Variants in ATXN1 observed in about 807,000 individuals in gnomAD.
The protein encoded by ATXN1 is ataxin-1.
ATXN1 carries 8 observed loss-of-function variants against 56.4 expected under a neutral mutation model. The observed-to-expected ratio is 0.14, with a 90% CI of 0.08 to 0.26. ATXN1 has a LOEUF of 0.26. Among genes scored for constraint, ATXN1 ranks in the 10% least tolerant of loss-of-function variants. The pLI is 1.00. For missense variants in ATXN1, 987 were observed against 1,106.5 expected (o/e 0.89, Z 1.53); for synonymous variants, 514 against 494.6 (o/e 1.04, Z -0.52).
intron 6 of ATXN1, among the ~76,000 whole-genome samples, chr6:16,398,594 CGT>C (rs1313559604): frequency 2.6e-5 from 4 of 152,024 alleles, no homozygotes; most frequent in African/African-American, 9.7e-5. Context: ...TGCACAAATA[CGT>C]GTGTTTTGTG....
rs1760676098 is a variant in ATXN1, at chr6:16,492,054, C to T, written c.-298-5945G>A. On this transcript the variant is annotated intron_variant, in intron 5 of 7. Coordinates refer to ENST00000436367, the MANE Select transcript of ATXN1 (RefSeq NM_001128164.2). The stretch of plus-strand genomic sequence containing the variant: ...ATGAGCTCCAGATAATAAGGCAGCC[C>T]TGTTGACACCTCAATTTCAGTCTTA... Among the ~76,000 whole-genome samples, 4 of 152,144 alleles carry T rather than the reference C, an allele frequency of 2.6e-5. No individual in the cohort carries two copies. The South Asian group carries it at 8.3e-4, about 32-fold the overall frequency.
At chr6:16,373,441 C>T (rs1463416236) in intron 6 of ATXN1, among the ~76,000 whole-genome samples, 3 of 152,144 alleles carry the variant, frequency 2.0e-5, no homozygotes, top group East Asian at 3.9e-4. Flanking sequence ...GTCCCACACA[C>T]GTGTCTTGGT....
At chr6:16,395,234 C>T in intron 6 of ATXN1, among the ~76,000 whole-genome samples, 1 of 126,084 alleles carries the variant, frequency 7.9e-6, no homozygotes, top group South Asian at 2.6e-4. Flanking sequence ...TGCGCCATTG[C>T]ATTCCAGCCT....
chr6:16,598,275 A>G lies in ATXN1; in HGVS notation c.-488-12368T>C, dbSNP rs990923400. Among the ~76,000 whole-genome samples, 3 of 152,232 alleles carry G rather than the reference A, an allele frequency of 2.0e-5. No homozygotes were observed. The South Asian group carries it at 6.2e-4, about 32-fold the overall frequency. On this transcript the variant is annotated intron_variant, in intron 3 of 7. Coordinates refer to ENST00000436367, the MANE Select transcript of ATXN1 (RefSeq NM_001128164.2). Reference sequence around the variant, plus strand: ...CAATGTGACATGCTTTTAAGATCACAGCCCTCCAGCAACACATTGATACCT... The same window carrying G: ...CAATGTGACATGCTTTTAAGATCACGGCCCTCCAGCAACACATTGATACCT...
intron 7 of ATXN1, among the ~76,000 whole-genome samples, chr6:16,319,351 G>A (rs192896275): frequency 3.0e-4 from 46 of 152,336 alleles, no homozygotes; most frequent in Admixed American, 2.2e-3. Context: ...GTGAAAAGGC[G>A]ACATACCGGA....
chr6:16,531,718 C>T (rs940469728), intron 4 of ATXN1, among the ~76,000 whole-genome samples: 10 of 151,844 alleles, frequency 6.6e-5, no homozygotes, highest in African/African-American at 2.4e-4. Context: ...AAAGCCATTG[C>T]CCCAATCAAA....
rs570401883 is a variant in ATXN1 at position 16,427,637 on chromosome 6, G to A, written c.-161+58335C>T. On this transcript the variant is annotated intron_variant, in intron 6 of 7. Transcript: ENST00000436367. The stretch of plus-strand genomic sequence containing the variant: ...GTTTGAGCAGAACATCAAGGGTTCC[G>A]TTTTCAAAGTGACCTCAACTGCCTC... Among the ~76,000 whole-genome samples the A allele has an allele frequency of 1.3e-3, 197 of 152,280 alleles. 1 individual carries two copies. Among genetic ancestry groups the A allele is most frequent in the African/African-American group, 3.8e-3 (157 of 41,550 alleles).
At chr6:16,368,343 CTTTTTTTTTTTT>C (rs10527935) in intron 6 of ATXN1, among the ~76,000 whole-genome samples, 2 of 75,872 alleles carry the variant, frequency 2.6e-5, no homozygotes, top group East Asian at 4.7e-4. Context: ...ACTTCTTCTT[CTTTTTTTTTTTT>C]TTTTTTTTTT....
intron 6 of ATXN1, among the ~76,000 whole-genome samples, chr6:16,464,390 G>A (rs1760059887): frequency 6.6e-6 from 1 of 152,172 alleles, no homozygotes; most frequent in Admixed American, 6.5e-5. Context: ...AACATGGGCA[G>A]GGACAAATAA....
chr6:16,601,967 G>A lies in ATXN1; in HGVS notation c.-488-16060C>T, dbSNP rs540919590. The stretch of plus-strand genomic sequence containing the variant: ...TATTTTGCAAGCAGAAAATTCTCAC[G>A]TATTTTAGAGTCAGGGTTCTCAAAT... On this transcript the variant is annotated intron_variant, in intron 3 of 7. Transcript: ENST00000436367. Among the ~76,000 whole-genome samples, 25 of 152,264 alleles carry A rather than the reference G, an allele frequency of 1.6e-4. No homozygotes were observed. The South Asian group carries it at 4.3e-3, about 26-fold the overall frequency.
At chr6:16,323,806 C>T (rs1040298364) in intron 7 of ATXN1, among the ~76,000 whole-genome samples, 51 of 152,298 alleles carry the variant, frequency 3.3e-4, no homozygotes, top group African/African-American at 1.2e-3. Flanking sequence ...GAAGAGTCAA[C>T]TTTGCTCAAG....
chr6:16,661,397 C>T (rs1758317481), intron 2 of ATXN1, among the ~76,000 whole-genome samples: 1 of 151,902 alleles, frequency 6.6e-6, no homozygotes, highest in African/African-American at 2.4e-5. Flanking sequence ...AATGGGAAGA[C>T]CAGAGATAAT....
intron 4 of ATXN1, among the ~76,000 whole-genome samples, chr6:16,568,534 A>G (rs1762272567): frequency 6.6e-6 from 1 of 152,258 alleles, no homozygotes; most frequent in Admixed American, 6.5e-5. Flanking sequence ...AGGAAGGCAA[A>G]AAGAGCTATA....
chr6:16,519,984 T>C (rs760958794), intron 5 of ATXN1, among the ~76,000 whole-genome samples: 10 of 152,200 alleles, frequency 6.6e-5, no homozygotes, highest in Non-Finnish European at 1.5e-4. Context: ...GCTGCCCTCA[T>C]CCTGCCCAGG....
At chr6:16,668,841 T>C (rs1423187417) in intron 2 of ATXN1, among the ~76,000 whole-genome samples, 1 of 152,094 alleles carries the variant, frequency 6.6e-6, no homozygotes, top group East Asian at 1.9e-4. Flanking sequence ...TAGGGGTCTA[T>C]GTTGCCCAGT....
At chr6:16,643,511 C>T (rs9477196) in intron 3 of ATXN1, among the ~76,000 whole-genome samples, 1 of 151,122 alleles carries the variant, frequency 6.6e-6, no homozygotes, top group Non-Finnish European at 1.5e-5. Context: ...CACATGTAAT[C>T]TCAGCTACTT....
intron 6 of ATXN1, among the ~76,000 whole-genome samples, chr6:16,400,809 A>G (rs1758552319): frequency 6.6e-6 from 1 of 152,344 alleles, no homozygotes; most frequent in Non-Finnish European, 1.5e-5. Flanking sequence ...TACAAGCCAG[A>G]GAAAAGCTCA....
intron 6 of ATXN1, among the ~76,000 whole-genome samples, chr6:16,365,043 TTTTTC>T (rs1761889700): frequency 9.7e-6 from 1 of 103,086 alleles, no homozygotes; most frequent in South Asian, 3.7e-4. Context: ...TGTTGTTTTC[TTTTTC>T]TTTTTTCATA....
intron 3 of ATXN1, among the ~76,000 whole-genome samples, chr6:16,647,894 G>A (rs780311091): frequency 9.9e-5 from 15 of 152,062 alleles, no homozygotes; most frequent in East Asian, 1.9e-4. Flanking sequence ...TGGCCAATAC[G>A]GTGAGACCCC....
Sources: allele counts gnomAD v4.1 joint callset (sites outside exome capture counted in the v4.1 genomes callset), GRCh38; gene constraint gnomAD v4.1.1; transcripts MANE v1.5; gene names NCBI Gene and HGNC (gene_info 2026-07-23, HGNC 2026-07-21).